The following UBE2W variants were observed in gnomAD, a reference collection of about 807,000 sequenced individuals.
The protein encoded by UBE2W is ubiquitin conjugating enzyme E2 W, also known as ubiquitin-conjugating enzyme E2 W.
A neutral mutation model predicts 27.2 loss-of-function variants in UBE2W; 18 were observed. That is an observed-to-expected ratio of 0.66 (90% CI 0.46 to 0.98). UBE2W has a LOEUF of 0.98. Among genes scored for constraint, UBE2W ranks in the 50% least tolerant of loss-of-function variants. The probability of loss-of-function intolerance (pLI) is 0.00; values close to 1 mark genes in which losing one functional copy is unlikely to be tolerated. For missense variants in UBE2W, 90 were observed against 180.2 expected, an observed-to-expected ratio of 0.50 and a Z score of 2.87; for synonymous variants, 53 against 57.2, an observed-to-expected ratio of 0.93 and a Z score of 0.33.
downstream of UBE2W, among the ~76,000 whole-genome samples, chr8:73,785,208 T>C (rs562784647): frequency 6.6e-6 from 1 of 151,992 alleles, no homozygotes; most frequent in East Asian, 2.0e-4. Context: ...GTGCAGTGTG[T>C]GGTCTCAGCT....
intron 5 of UBE2W, chr8:73,796,588 C>CT (rs1808430532): frequency 2.1e-6 from 2 of 939,080 alleles, no homozygotes; most frequent in Non-Finnish European, 2.5e-6. Flanking sequence ...CTGTTTCTGA[C>CT]TGATATGATA....
intron 1 of UBE2W, among the ~76,000 whole-genome samples, chr8:73,869,854 C>A (rs1811927351): frequency 6.6e-6 from 1 of 151,676 alleles, no homozygotes; most frequent in Admixed American, 6.6e-5. Context: ...AAAATGAGAC[C>A]CTGTCTCACC....
In UBE2W at chr8:73,805,454, C is replaced by CAAAAAAAAAAAAAAAAAAAAAAAA. The variant is rs1162712227; in HGVS notation, c.442+196_442+197insTTTTTTTTTTTTTTTTTTTTTTTT. On this transcript the variant is annotated intron_variant, in intron 5 of 5. Coordinates refer to ENST00000602593, the MANE Select transcript of UBE2W (RefSeq NM_018299.6). ...GGGCAACAAGAGCAAAACTCCATCT[C>CAAAAAAAAAAAAAAAAAAAAAAAA]AAAAAAAAAAAAAAAAACAAAAAAA... Among the ~76,000 whole-genome samples, 28 of 14,574 alleles carry CAAAAAAAAAAAAAAAAAAAAAAAA rather than the reference C, an allele frequency of 1.9e-3. 3 individuals are homozygous for CAAAAAAAAAAAAAAAAAAAAAAAA. The highest frequency in any genetic ancestry group is 2.8e-3 in the Admixed American group (2 of 718). 9.6% of individuals were successfully genotyped at this position (14,574 alleles called of 152,430 possible). A position where few individuals can be genotyped will look rare whatever the true frequency, so the allele number is the denominator to read the frequency against.
At chr8:73,800,252 T>C (rs892549187) in intron 5 of UBE2W, among the ~76,000 whole-genome samples, 17 of 152,216 alleles carry the variant, frequency 1.1e-4, no homozygotes, top group African/African-American at 4.1e-4. Context: ...ACCATCTCAA[T>C]GTGTAACAAA....
chr8:73,797,762 C>T (rs903836657), intron 5 of UBE2W, among the ~76,000 whole-genome samples: 4 of 152,192 alleles, frequency 2.6e-5, no homozygotes, highest in African/African-American at 9.7e-5. Context: ...AAATTACAGA[C>T]TCATTTTGTT....
rs144360632 is a variant in UBE2W at position 73,876,546 on chromosome 8, T to C, written c.15+2262A>G. Among the ~76,000 whole-genome samples the C allele has an allele frequency of 2.7e-3, 403 of 151,842 alleles. 1 individual carries two copies. Among genetic ancestry groups the C allele is most frequent in the African/African-American group, 9.4e-3 (390 of 41,400 alleles). ...CCAGAAAACACAGAAGAATAGAGAG[T>C]GATAAGATTTCGATGGAACAAGGTG... On this transcript the variant is annotated intron_variant, in intron 1 of 5. Coordinates refer to ENST00000602593, the MANE Select transcript of UBE2W (RefSeq NM_018299.6).
At chr8:73,800,318 A>G (rs538455776) in intron 5 of UBE2W, among the ~76,000 whole-genome samples, 2 of 152,330 alleles carry the variant, frequency 1.3e-5, no homozygotes, top group South Asian at 2.1e-4. Flanking sequence ...TTGTCCCTTA[A>G]AAGGAGAATG....
At chr8:73,803,736 A>G (rs1475421232) in intron 5 of UBE2W, among the ~76,000 whole-genome samples, 2 of 151,580 alleles carry the variant, frequency 1.3e-5, no homozygotes, top group African/African-American at 4.8e-5. Flanking sequence ...GTCTCTCAGG[A>G]ACAGCATATT....
At chr8:73,808,550 T>C (rs1809015987) in intron 4 of UBE2W, among the ~76,000 whole-genome samples, 1 of 152,216 alleles carries the variant, frequency 6.6e-6, no homozygotes, top group Admixed American at 6.5e-5. Context: ...CTTTTTAAGG[T>C]TTCTTTGGAG....
intron 1 of UBE2W, chr8:73,833,963 G>A (rs7000604): frequency 0.13 from 19,342 of 152,042 alleles, 1,390 homozygotes; most frequent in Middle Eastern, 0.18. Context: ...ACACCCAATC[G>A]ACATAGTGCA....
In UBE2W at chr8:73,788,063, T is replaced by C. The variant is rs1379640041; in HGVS notation, c.*6039A>G. Reference sequence around the variant, plus strand: ...AAGAGAAACTACTGTACAAATACTTTTACGTCATAAACCAAAAAGAGGTCT... The same window carrying C: ...AAGAGAAACTACTGTACAAATACTTCTACGTCATAAACCAAAAAGAGGTCT... On this transcript the variant is annotated 3_prime_UTR_variant, in exon 6 of 6. Transcript: ENST00000602593. 1 of 985,296 alleles carries C rather than the reference T, an allele frequency of 1.0e-6. No homozygotes were observed. The highest frequency in any genetic ancestry group is 4.7e-5 in the South Asian group (1 of 21,282). The allele number at this position is 985,296 out of a possible 1,614,324, so 61.0% of individuals were successfully genotyped here.
chr8:73,808,479 C>A (rs1372725996), intron 4 of UBE2W, among the ~76,000 whole-genome samples: 1 of 152,238 alleles, frequency 6.6e-6, no homozygotes, highest in Non-Finnish European at 1.5e-5. Flanking sequence ...GTGCTCCACC[C>A]TTCTCGGCCT....
At chr8:73,846,103 C>G (rs994244055) in intron 1 of UBE2W, among the ~76,000 whole-genome samples, 3 of 152,182 alleles carry the variant, frequency 2.0e-5, no homozygotes, top group Admixed American at 2.0e-4. Context: ...CGAAACAGCT[C>G]TTGGATGGGC....
At chr8:73,805,232 T>A (rs1263472225) in intron 5 of UBE2W, among the ~76,000 whole-genome samples, 2 of 150,004 alleles carry the variant, frequency 1.3e-5, no homozygotes, top group Non-Finnish European at 3.0e-5. Flanking sequence ...GGTGGGCAGA[T>A]CACCTGAGGT....
intron 1 of UBE2W, among the ~76,000 whole-genome samples, chr8:73,846,506 T>A (rs1810808026): frequency 6.6e-6 from 1 of 152,202 alleles, no homozygotes; most frequent in African/African-American, 2.4e-5. Flanking sequence ...AACACATTAG[T>A]AATCAGCACT....
chr8:73,797,846 AG>A (rs1404877695), intron 5 of UBE2W, among the ~76,000 whole-genome samples: 2 of 152,234 alleles, frequency 1.3e-5, no homozygotes, highest in Non-Finnish European at 2.9e-5. Flanking sequence ...TTCAACAAAC[AG>A]GAGCCTTAAG....
intron 3 of UBE2W, among the ~76,000 whole-genome samples, chr8:73,819,378 T>C (rs922638254): frequency 1.3e-5 from 2 of 152,218 alleles, no homozygotes; most frequent in East Asian, 3.8e-4. Context: ...GTCTGTCCCA[T>C]GACACATCCT....
At chr8:73,796,616 C>T (rs9643680) in intron 5 of UBE2W, 742,758 of 980,792 alleles carry the variant, frequency 0.76, 285,663 homozygotes, top group East Asian at 0.93. Flanking sequence ...CCTTTGAATA[C>T]CCTCGTTTTG....
intron 3 of UBE2W, 67 bp from the exon 4 acceptor site, chr8:73,810,696 A>G: frequency 7.9e-7 from 1 of 1,272,870 alleles, no homozygotes; most frequent in Non-Finnish European, 1.0e-6. Context: ...AATATTCTCC[A>G]CATATAACAA....
Sources: allele counts gnomAD v4.1 joint callset (sites outside exome capture counted in the v4.1 genomes callset), GRCh38; gene constraint gnomAD v4.1.1; transcripts MANE v1.5; gene names NCBI Gene and HGNC (gene_info 2026-07-23, HGNC 2026-07-21).